SYNE2: variants seen among roughly 807,000 people sequenced by gnomAD.
SYNE2 encodes nesprin-2.
Under a neutral mutation model 856.3 loss-of-function variants are expected in SYNE2, and 431 were observed. That is an observed-to-expected ratio of 0.50 (90% CI 0.47 to 0.55). The LOEUF (loss-of-function observed/expected upper bound fraction) is 0.55. SYNE2 is among the 20% of genes least tolerant of loss of function. The pLI is 0.00. For synonymous variants in SYNE2, 2,923 were observed against 2,872.3 expected, an observed-to-expected ratio of 1.02 and a Z score of -0.56; for missense variants, 8,129 against 8,023.2, an observed-to-expected ratio of 1.01 and a Z score of -0.50.
At chr14:63,947,262 C>T (rs924165098) in intron 6 of SYNE2, among the ~76,000 whole-genome samples, 3 of 152,194 alleles carry the variant, frequency 2.0e-5, no homozygotes, top group African/African-American at 4.8e-5. Context: ...TCCATAGCTA[C>T]ATTGTACAAA....
chr14:64,213,638 T>G (rs935016833), intron 105 of SYNE2, among the ~76,000 whole-genome samples: 1 of 152,146 alleles, frequency 6.6e-6, no homozygotes, highest in Non-Finnish European at 1.5e-5. Flanking sequence ...AGTTATTTCA[T>G]CAGACACAGC....
chr14:64,102,660 C>T (rs1025006223), intron 64 of SYNE2, among the ~76,000 whole-genome samples: 2 of 151,712 alleles, frequency 1.3e-5, no homozygotes, highest in African/African-American at 2.4e-5. Flanking sequence ...AATTAGAACA[C>T]CTAAAATCTA....
intron 1 of SYNE2, among the ~76,000 whole-genome samples, chr14:63,811,040 T>G (rs1163874866): frequency 6.6e-6 from 1 of 152,128 alleles, no homozygotes; most frequent in African/African-American, 2.4e-5. Flanking sequence ...TTTCACCGTG[T>G]TAGACAGGAT....
chr14:64,218,554 GGTATTTAA>G, intron 109 of SYNE2, 42 bp downstream of exon 109: 1 of 1,579,446 alleles, frequency 6.3e-7, no homozygotes. Flanking sequence ...GGCAGAGTAT[GGTATTTAA>G]GTCCTTGCTC....
At chr14:64,060,397 G>A (rs942201510) in intron 49 of SYNE2, among the ~76,000 whole-genome samples, 5 of 151,430 alleles carry the variant, frequency 3.3e-5, no homozygotes, top group Admixed American at 2.0e-4. Context: ...TTCCCTTCGA[G>A]GAAGTGGGTT....
chr14:64,216,227 G>A (rs116085962), intron 107 of SYNE2, 21 bp from the exon 108 acceptor site: 23 of 1,613,706 alleles, frequency 1.4e-5, no homozygotes, highest in Admixed American at 6.7e-5. Context: ...ATAGACTGTC[G>A]CTTGCTGTCT....
chr14:63,894,798 A>G (rs186937523), intron 1 of SYNE2, among the ~76,000 whole-genome samples: 24 of 152,288 alleles, frequency 1.6e-4, no homozygotes, highest in Admixed American at 1.4e-3. Context: ...ACTCTGTTCC[A>G]TACTACCCTA....
intron 2 of SYNE2, among the ~76,000 whole-genome samples, chr14:63,929,552 C>A (rs1021612350): frequency 6.6e-6 from 1 of 152,108 alleles, no homozygotes; most frequent in Non-Finnish European, 1.5e-5. Context: ...GGGTGGATCA[C>A]CTGAGGTCAG....
intron 104 of SYNE2, 110 bp from the exon 105 acceptor site, chr14:64,212,701 A>G: frequency 9.7e-7 from 1 of 1,032,338 alleles, no homozygotes; most frequent in Non-Finnish European, 1.5e-6. Context: ...GGTGAAGGAA[A>G]ACAACAATAA....
intron 10 of SYNE2, among the ~76,000 whole-genome samples, chr14:63,967,133 G>T (rs1324760762): frequency 1.3e-5 from 2 of 152,056 alleles, no homozygotes; most frequent in Admixed American, 6.5e-5. Flanking sequence ...CAAAGTGCTG[G>T]GATTACAGGC....
At chr14:64,177,141 T>C (rs1388209157) in intron 95 of SYNE2, among the ~76,000 whole-genome samples, 1 of 152,136 alleles carries the variant, frequency 6.6e-6, no homozygotes, top group Non-Finnish European at 1.5e-5. Context: ...GTGGTTGAAA[T>C]GAGCCACAGG....
At chr14:63,986,240 C>G (rs927950052) in intron 18 of SYNE2, among the ~76,000 whole-genome samples, 2 of 152,100 alleles carry the variant, frequency 1.3e-5, no homozygotes, top group African/African-American at 4.8e-5. Context: ...GCTAGAACTA[C>G]AGGCATGCAC....
In SYNE2 at chr14:64,028,656, C is replaced by T. The variant is rs556240491; in HGVS notation, c.6714+863C>T. Reference sequence around the variant, plus strand: ...TTATTTGATGATGATATTATATTCTCTCATCAAAATTCCCCTCTTTAGGGG... The same window carrying T: ...TTATTTGATGATGATATTATATTCTTTCATCAAAATTCCCCTCTTTAGGGG... On this transcript the variant is annotated intron_variant, in intron 43 of 115. Coordinates refer to ENST00000555002, the MANE Select transcript of SYNE2 (RefSeq NM_182914.3). Among the ~76,000 whole-genome samples, 8 of 152,256 alleles carry T rather than the reference C, an allele frequency of 5.3e-5. No homozygotes were observed. In the South Asian group the frequency reaches 1.4e-3, roughly 28 times the overall value.
chr14:63,966,547 G>T (rs2096394718), intron 10 of SYNE2, among the ~76,000 whole-genome samples: 1 of 150,668 alleles, frequency 6.6e-6, no homozygotes, highest in Admixed American at 6.6e-5. Context: ...AAAAATCTGT[G>T]TAATCAGTAA....
At position 64,007,104 on chromosome 14, in the gene SYNE2, T is replaced by G. The variant is rs376253992; in HGVS notation, c.4459T>G (p.Leu1487Val). Residue 1487 changes from leucine (L) to valine (V), a missense_variant, in exon 31 of 116, where the codon TTA becomes GTA. Transcript: ENST00000555002. ...LDEYEEEKRHLQEMANSLPHF... is the reference protein window; with the variant it reads ...LDEYEEEKRHVQEMANSLPHF... ...TGAATATGAAGAAGAGAAGAGACAT[T>G]TACAAGAAATGGCTAATTCTCTTCC... 4 of 1,613,708 alleles carry G rather than the reference T, an allele frequency of 2.5e-6. No homozygotes were observed. The African/African-American group carries it at 5.3e-5, about 22-fold the overall frequency.
At chr14:63,987,855 A>G (rs1437096287) in intron 19 of SYNE2, among the ~76,000 whole-genome samples, 1 of 152,172 alleles carries the variant, frequency 6.6e-6, no homozygotes, top group Admixed American at 6.5e-5. Context: ...TATTCATTGG[A>G]TCAAAATATT....
intron 1 of SYNE2, among the ~76,000 whole-genome samples, chr14:63,777,271 A>T (rs1421088118): frequency 6.6e-6 from 1 of 152,256 alleles, no homozygotes; most frequent in South Asian, 2.1e-4. Flanking sequence ...TCAGAGCAAG[A>T]ACAGTGGGAA....
intron 90 of SYNE2, 114 bp from the exon 91 acceptor site, chr14:64,167,119 T>A: frequency 1.5e-6 from 2 of 1,336,528 alleles, no homozygotes; most frequent in Non-Finnish European, 2.1e-6. Flanking sequence ...TGTGGGCAAG[T>A]CATTTGCCTG....
intron 85 of SYNE2, 63 bp downstream of exon 85, chr14:64,152,779 TGTA>T: frequency 6.2e-7 from 1 of 1,606,586 alleles, no homozygotes; most frequent in Non-Finnish European, 8.5e-7. Context: ...TATTTGTCGT[TGTA>T]GTTGTTTTCG....
Sources: allele counts gnomAD v4.1 joint callset (sites outside exome capture counted in the v4.1 genomes callset), GRCh38; gene constraint gnomAD v4.1.1; transcripts MANE v1.5; gene names NCBI Gene and HGNC (gene_info 2026-07-23, HGNC 2026-07-21).